Variants in FCHO2 observed in about 807,000 individuals in gnomAD.
FCHO2 encodes FCH and mu domain containing endocytic adaptor 2, also known as F-BAR domain only protein 2.
A neutral mutation model predicts 114.1 loss-of-function variants in FCHO2; 43 were observed. That is an observed-to-expected ratio of 0.38 (90% CI 0.30 to 0.49). FCHO2 has a LOEUF of 0.49. Among genes scored for constraint, FCHO2 ranks in the 20% least tolerant of loss-of-function variants. The pLI is 0.97. For missense variants in FCHO2, 807 were observed against 950.4 expected (o/e 0.85, Z 1.98); for synonymous variants, 293 against 315.2 (o/e 0.93, Z 0.75).
chr5:73,071,179 A>G (rs561869206), intron 19 of FCHO2, among the ~76,000 whole-genome samples: 5 of 152,018 alleles, frequency 3.3e-5, no homozygotes, highest in Non-Finnish European at 7.4e-5. Flanking sequence ...CAAATCCCCA[A>G]CTATAAAAAC....
chr5:73,054,413 G>GC, intron 14 of FCHO2, 112 bp from the exon 15 acceptor site: 1 of 962,170 alleles, frequency 1.0e-6, no homozygotes, highest in Non-Finnish European at 1.6e-6. Context: ...TTACAATTGA[G>GC]CAGATATACT....
At chr5:73,010,902 AGAG>A (rs1463051534) in intron 6 of FCHO2, among the ~76,000 whole-genome samples, 1 of 149,240 alleles carries the variant, frequency 6.7e-6, no homozygotes, top group Non-Finnish European at 1.5e-5. Context: ...AAAAAAAAAA[AGAG>A]AGAATGTACT....
chr5:73,078,400 G>A, intron 22 of FCHO2, 88 bp downstream of exon 22: 1 of 1,214,220 alleles, frequency 8.2e-7, no homozygotes, highest in South Asian at 1.7e-5. Context: ...TCATAGCCAA[G>A]TGAGTTTTTT....
chr5:73,003,672 T>A (rs1754564414), intron 5 of FCHO2, among the ~76,000 whole-genome samples: 1 of 152,090 alleles, frequency 6.6e-6, no homozygotes, highest in Non-Finnish European at 1.5e-5. Flanking sequence ...AAAGTAGGTA[T>A]CAGGATGAGG....
chr5:73,001,448 CAAA>C (rs1215202339), intron 5 of FCHO2, among the ~76,000 whole-genome samples: 2 of 65,526 alleles, frequency 3.1e-5, no homozygotes, highest in Non-Finnish European at 5.6e-5. Context: ...GATCCTGTCT[CAAA>C]AAAAAAAAAA....
At chr5:73,082,351 A>G (rs1162112165) in intron 23 of FCHO2, among the ~76,000 whole-genome samples, 4 of 151,852 alleles carry the variant, frequency 2.6e-5, no homozygotes, top group Non-Finnish European at 1.5e-5. Context: ...CACCTATCTA[A>G]TTAGTGTTTA....
At chr5:73,004,294 C>A (rs1237212019) in intron 5 of FCHO2, among the ~76,000 whole-genome samples, 3 of 151,840 alleles carry the variant, frequency 2.0e-5, no homozygotes, top group Admixed American at 6.6e-5. Context: ...TTAGCTGTTA[C>A]GTATTTGAAC....
At chr5:73,016,774 A>G (rs1251506446) in intron 7 of FCHO2, among the ~76,000 whole-genome samples, 3 of 152,098 alleles carry the variant, frequency 2.0e-5, no homozygotes, top group South Asian at 2.1e-4. Flanking sequence ...GTGCATGCCT[A>G]TAGTCCCAGC....
chr5:72,979,623 C>G (rs1753086775), intron 2 of FCHO2, among the ~76,000 whole-genome samples: 1 of 151,308 alleles, frequency 6.6e-6, no homozygotes, highest in African/African-American at 2.4e-5. Flanking sequence ...GATCTCCTGA[C>G]CTCGTGATCC....
rs555730427 is a variant in FCHO2 at position 73,081,222 on chromosome 5, G to C, written c.1981-561G>C. Among the ~76,000 whole-genome samples the C allele has an allele frequency of 2.1e-4, 32 of 152,234 alleles. No individual in the cohort carries two copies. In the South Asian group the frequency reaches 5.2e-3, roughly 25 times the overall value. ...ACAGTTTTCAGTGTAAATTTAAACA[G>C]AGCAGTCAGAGTAGGTCTCCTTAAA... is the stretch of plus-strand genomic sequence containing the variant. On this transcript the variant is annotated intron_variant, in intron 22 of 25. Transcript: ENST00000430046.
intron 11 of FCHO2, among the ~76,000 whole-genome samples, chr5:73,043,421 CA>C (rs1186458812): frequency 6.6e-6 from 1 of 152,090 alleles, no homozygotes; most frequent in Non-Finnish European, 1.5e-5. Context: ...CACACACACA[CA>C]CACATTGTAT....
chr5:73,071,614 A>T (rs1742657786), intron 19 of FCHO2, among the ~76,000 whole-genome samples: 1 of 152,116 alleles, frequency 6.6e-6, no homozygotes, highest in Non-Finnish European at 1.5e-5. Flanking sequence ...AAGAGAATAA[A>T]TTTTTATTTC....
At chr5:72,990,326 T>C (rs191898329) in intron 3 of FCHO2, among the ~76,000 whole-genome samples, 152 bp from the exon 4 acceptor site, 1 of 152,254 alleles carries the variant, frequency 6.6e-6, no homozygotes, top group Admixed American at 6.5e-5. Flanking sequence ...TCAAGGTCAG[T>C]CTGTCAATCA....
intron 8 of FCHO2, among the ~76,000 whole-genome samples, chr5:73,018,569 T>C (rs1755438852): frequency 6.6e-6 from 1 of 152,040 alleles, no homozygotes; most frequent in South Asian, 2.1e-4. Flanking sequence ...TTGATATATT[T>C]TAATGGAACA....
chr5:73,014,618 T>G (rs1755203639), intron 6 of FCHO2, among the ~76,000 whole-genome samples: 1 of 152,178 alleles, frequency 6.6e-6, no homozygotes, highest in African/African-American at 2.4e-5. Flanking sequence ...TAGAAAGACA[T>G]TTTGAAAATC....
chr5:73,017,171 A>T (rs1197105226), intron 7 of FCHO2, 41 bp from the exon 8 acceptor site: 2 of 1,149,550 alleles, frequency 1.7e-6, no homozygotes, highest in East Asian at 2.7e-5. Flanking sequence ...TACACTAAGA[A>T]TGTGGAAAAA....
chr5:72,987,528 G>C (rs1349272536), intron 2 of FCHO2, among the ~76,000 whole-genome samples: 2 of 151,866 alleles, frequency 1.3e-5, no homozygotes, highest in Non-Finnish European at 2.9e-5. Flanking sequence ...AGTACAGACG[G>C]GGTTTCACCA....
intron 6 of FCHO2, among the ~76,000 whole-genome samples, chr5:73,007,989 C>A (rs1754810399): frequency 6.6e-6 from 1 of 151,604 alleles, no homozygotes; most frequent in Non-Finnish European, 1.5e-5. Context: ...GTATGAAGGC[C>A]CAGAGGGTAT....
rs1757378878 is a variant in FCHO2, at chr5:73,052,338, A to G, written c.1004A>G (p.Lys335Arg). ...TTCTTTAACTGAAACTCACATACCA[A>G]AGAGAACCATTTCTACTCATCTAGT... ...IKPETNQNDT[K>R]ENHFYSSSDS... is the part of the protein sequence containing the mutation. Residue 335 changes from lysine (K) to arginine (R), a missense_variant, in exon 13 of 26, where the codon AAA (lysine) becomes AGA (arginine). Physicochemically the swap from Lys to Arg is conservative, Grantham distance 26. Transcript: ENST00000430046. The G allele has an allele frequency of 6.2e-7, 1 of 1,605,710 alleles. No homozygotes were observed. Among genetic ancestry groups the G allele is most frequent in the Non-Finnish European group, 8.5e-7 (1 of 1,176,266 alleles).
Sources: allele counts gnomAD v4.1 joint callset (sites outside exome capture counted in the v4.1 genomes callset), GRCh38; gene constraint gnomAD v4.1.1; transcripts MANE v1.5; gene names NCBI Gene and HGNC (gene_info 2026-07-23, HGNC 2026-07-21).